SCP2: variants seen among roughly 807,000 people sequenced by gnomAD.
SCP2 encodes the protein sterol carrier protein 2.
Under a neutral mutation model 71.4 loss-of-function variants are expected in SCP2, and 48 were observed. That is an observed-to-expected ratio of 0.67 (90% CI 0.53 to 0.86). The LOEUF is 0.86. Among genes scored for constraint, SCP2 ranks in the 40% least tolerant of loss-of-function variants. The pLI, the probability that SCP2 is intolerant of heterozygous loss-of-function variation, is 0.00. For missense variants in SCP2, 560 were observed against 655.6 expected, an observed-to-expected ratio of 0.85 and a Z score of 1.59; for synonymous variants, 220 against 218.1, an observed-to-expected ratio of 1.01 and a Z score of -0.08.
intron 13 of SCP2, among the ~76,000 whole-genome samples, chr1:53,037,949 A>G (rs1156554051): frequency 1.4e-5 from 1 of 72,638 alleles, no homozygotes; most frequent in Non-Finnish European, 2.9e-5. Flanking sequence ...TCCTGTCTCT[A>G]TACACACACA....
chr1:52,928,265 C>G (rs1419824990), intron 1 of SCP2, among the ~76,000 whole-genome samples: 1 of 152,266 alleles, frequency 6.6e-6, no homozygotes, highest in Admixed American at 6.5e-5. Context: ...TGCGCGCCCT[C>G]TTAGCATGGC....
At chr1:53,011,581 C>CA (rs1660991483) in intron 11 of SCP2, among the ~76,000 whole-genome samples, 1 of 152,156 alleles carries the variant, frequency 6.6e-6, no homozygotes, top group African/African-American at 2.4e-5. Context: ...ATGTTTGCAG[C>CA]AAGATGATGT....
At chr1:53,012,419 T>C (rs1661045683) in intron 11 of SCP2, among the ~76,000 whole-genome samples, 1 of 152,280 alleles carries the variant, frequency 6.6e-6, no homozygotes, top group African/African-American at 2.4e-5. Context: ...AATGCTCCTA[T>C]GTATACATGT....
chr1:52,997,232 G>A lies in SCP2; in HGVS notation c.1081+9096G>A, dbSNP rs762389030. ...CCCCGAGGTTAGAGTGCAGTGATGCGATCTTGGCTCATTGCAACTTCTGCC... is the reference window on the plus strand; with the variant it reads ...CCCCGAGGTTAGAGTGCAGTGATGCAATCTTGGCTCATTGCAACTTCTGCC... On this transcript the variant is annotated intron_variant, in intron 11 of 15. Coordinates refer to ENST00000371514, the MANE Select transcript of SCP2 (RefSeq NM_002979.5). Among the ~76,000 whole-genome samples the A allele has an allele frequency of 2.2e-4, 34 of 152,168 alleles. No individual in the cohort carries two copies. The South Asian group carries it at 3.3e-3, about 15-fold the overall frequency.
intron 4 of SCP2, among the ~76,000 whole-genome samples, chr1:52,953,826 CA>C (rs59323328): frequency 0.099 from 9,634 of 97,624 alleles, 532 homozygotes; most frequent in East Asian, 0.25. Context: ...CCATCTTTAC[CA>C]AAAAAAAAAA....
rs550420471 is a variant in SCP2 at position 52,957,033 on chromosome 1, C to G, written c.396+2229C>G. 6.6e-5 allele frequency among the ~76,000 whole-genome samples: 10 copies of G among 151,910 alleles called. No homozygotes were observed. In the East Asian group the frequency reaches 1.9e-3, roughly 30 times the overall value. ...CAAGCGATTCTCCTGCCTCAGCCTC[C>G]CGAGTAGCTGGGACTACAGGTGCCC... On this transcript the variant is annotated intron_variant, in intron 5 of 15. Coordinates refer to ENST00000371514, the MANE Select transcript of SCP2 (RefSeq NM_002979.5).
rs143203630 is a variant in SCP2 at position 52,944,759 on chromosome 1, C to T, written c.127+2906C>T. Among the ~76,000 whole-genome samples, 780 of 152,036 alleles carry T rather than the reference C, an allele frequency of 5.1e-3. 3 individuals carry two copies. In the Middle Eastern group the frequency reaches 0.065, roughly 13 times the overall value. On this transcript the variant is annotated intron_variant, in intron 2 of 15. Coordinates refer to ENST00000371514, the MANE Select transcript of SCP2 (RefSeq NM_002979.5). ...AAATCTGGCCGGGCATGGTGACTCA[C>T]GCCTGTAATCCCAACACGTTGAGAG...
intron 10 of SCP2, among the ~76,000 whole-genome samples, chr1:52,986,806 A>G (rs912844738): frequency 6.6e-6 from 1 of 151,796 alleles, no homozygotes; most frequent in African/African-American, 2.4e-5. Context: ...ACCAAAATCC[A>G]TGGAAGCTGC....
intron 11 of SCP2, chr1:52,995,686 C>T (rs374798165): frequency 3.1e-5 from 23 of 731,210 alleles, no homozygotes; most frequent in East Asian, 1.3e-4. Context: ...AGTTGCTCAA[C>T]GTGCAGAACC....
chr1:52,971,711 C>A (rs991360782), intron 6 of SCP2, among the ~76,000 whole-genome samples: 15 of 152,338 alleles, frequency 9.8e-5, no homozygotes, highest in Middle Eastern at 3.4e-3. Context: ...CCAGGCCTGT[C>A]CATCTAGGTT....
intron 7 of SCP2, 101 bp downstream of exon 7, chr1:52,974,933 T>C (rs1657818139): frequency 1.4e-6 from 1 of 730,358 alleles, no homozygotes; most frequent in Admixed American, 2.0e-5. Context: ...CTCAAATATT[T>C]TAACTAGAAT....
intron 10 of SCP2, among the ~76,000 whole-genome samples, chr1:52,987,006 A>ATATATAT (rs1386745740): frequency 1.8e-5 from 2 of 110,506 alleles, no homozygotes; most frequent in South Asian, 2.7e-4. Context: ...ATATATATAT[A>ATATATAT]TTTTTTTTTT....
intron 12 of SCP2, among the ~76,000 whole-genome samples, chr1:53,015,690 T>A (rs1267303353): frequency 1.3e-5 from 2 of 152,198 alleles, no homozygotes; most frequent in Non-Finnish European, 2.9e-5. Context: ...TTGACTCCTT[T>A]CCCTCTGTCA....
chr1:52,965,376 GGAAAACTGATGTATTTAT>G (rs1173758942), intron 6 of SCP2, among the ~76,000 whole-genome samples: 1 of 152,006 alleles, frequency 6.6e-6, no homozygotes, highest in Non-Finnish European at 1.5e-5. Flanking sequence ...GTTAATTTAG[GGAAAACTGATGTATTTAT>G]GAGGCTGAGT....
intron 9 of SCP2, among the ~76,000 whole-genome samples, chr1:52,978,737 A>G (rs910110632): frequency 2.0e-5 from 3 of 151,898 alleles, no homozygotes; most frequent in Admixed American, 1.3e-4. Context: ...TAATGTTTGT[A>G]TTTTTTGTAG....
chr1:52,936,944 G>GA (rs903166016), intron 1 of SCP2, among the ~76,000 whole-genome samples: 5 of 149,378 alleles, frequency 3.3e-5, no homozygotes, highest in South Asian at 4.2e-4. Flanking sequence ...TTTAACTCTA[G>GA]AAAAAAAAAT....
At chr1:53,038,887 A>G in intron 13 of SCP2, 30 bp from the exon 14 acceptor site, 2 of 1,613,068 alleles carry the variant, frequency 1.2e-6, no homozygotes, top group Non-Finnish European at 1.7e-6. Context: ...AATGGACTTA[A>G]TGTAACCCCA....
At chr1:52,996,791 A>C (rs1659965384) in intron 11 of SCP2, among the ~76,000 whole-genome samples, 1 of 152,188 alleles carries the variant, frequency 6.6e-6, no homozygotes, top group Non-Finnish European at 1.5e-5. Flanking sequence ...AAGGATTAAC[A>C]TCCCTGACTT....
chr1:52,935,947 AAAG>A (rs1253488538), intron 1 of SCP2, among the ~76,000 whole-genome samples: 2 of 152,162 alleles, frequency 1.3e-5, no homozygotes, highest in Admixed American at 6.5e-5. Flanking sequence ...TGAAAAAAAA[AAAG>A]AATATCCACA....
Sources: gnomAD v4.1 joint callset for allele counts (sites outside exome capture counted in the v4.1 genomes callset) on GRCh38, gnomAD v4.1.1 for gene constraint, MANE v1.5 for transcripts, NCBI Gene and HGNC (gene_info 2026-07-23, HGNC 2026-07-21) for gene names.